LRRTM4: variants seen among roughly 807,000 people sequenced by gnomAD.
LRRTM4 encodes the protein leucine-rich repeat transmembrane neuronal protein 4.
LRRTM4 carries 25 observed loss-of-function variants against 47.6 expected under a neutral mutation model. The observed-to-expected ratio is 0.53, with a 90% CI of 0.38 to 0.73. The LOEUF is 0.73. LRRTM4 is among the 30% of genes least tolerant of loss of function. The pLI, the probability that LRRTM4 is intolerant of heterozygous loss-of-function variation, is 0.00. For missense variants in LRRTM4, 638 were observed against 713.4 expected, an observed-to-expected ratio of 0.89 and a Z score of 1.20; for synonymous variants, 311 against 269.5, an observed-to-expected ratio of 1.15 and a Z score of -1.51.
intron 3 of LRRTM4, among the ~76,000 whole-genome samples, chr2:76,760,223 G>T (rs145381852): frequency 6.6e-6 from 1 of 152,064 alleles, no homozygotes; most frequent in Non-Finnish European, 1.5e-5. Context: ...ACAGGCCACC[G>T]TTTTCAGTCT....
chr2:77,455,234 T>A (rs1206707239), intron 3 of LRRTM4, among the ~76,000 whole-genome samples: 1 of 152,204 alleles, frequency 6.6e-6, no homozygotes, highest in Non-Finnish European at 1.5e-5. Context: ...TTAAATTTCA[T>A]GCAAGCCTGA....
At chr2:77,417,822 T>G (rs1031811820) in intron 3 of LRRTM4, among the ~76,000 whole-genome samples, 2 of 152,004 alleles carry the variant, frequency 1.3e-5, no homozygotes, top group African/African-American at 2.4e-5. Context: ...AATGACGAGT[T>G]ACTGGGTGCG....
intron 3 of LRRTM4, among the ~76,000 whole-genome samples, chr2:77,276,029 G>A (rs1676339563): frequency 6.6e-6 from 1 of 151,762 alleles, no homozygotes; most frequent in South Asian, 2.1e-4. Context: ...TCATTGAGTA[G>A]GAAAAGTGTG....
chr2:76,872,009 G>A (rs1672637534), intron 3 of LRRTM4, among the ~76,000 whole-genome samples: 1 of 152,156 alleles, frequency 6.6e-6, no homozygotes, highest in South Asian at 2.1e-4. Context: ...TGGGGAACCC[G>A]AGGCAGAAGA....
At chr2:77,045,146 C>G (rs1008019591) in intron 3 of LRRTM4, among the ~76,000 whole-genome samples, 1 of 151,846 alleles carries the variant, frequency 6.6e-6, no homozygotes, top group African/African-American at 2.4e-5. Context: ...AATCTAGTAA[C>G]TCTACATGGA....
At chr2:77,265,656 T>G (rs1339202601) in intron 3 of LRRTM4, among the ~76,000 whole-genome samples, 1 of 152,100 alleles carries the variant, frequency 6.6e-6, no homozygotes, top group Non-Finnish European at 1.5e-5. Flanking sequence ...GTTGCATTAG[T>G]AATATGTACA....
intron 3 of LRRTM4, among the ~76,000 whole-genome samples, chr2:76,804,610 T>C (rs1016062649): frequency 2.0e-5 from 3 of 148,754 alleles, no homozygotes; most frequent in African/African-American, 7.3e-5. Flanking sequence ...ATGCATACTA[T>C]ACATATGCAT....
chr2:77,425,261 C>T (rs1025153695), intron 3 of LRRTM4, among the ~76,000 whole-genome samples: 2 of 152,162 alleles, frequency 1.3e-5, no homozygotes, highest in African/African-American at 4.8e-5. Context: ...TATTCAGTCT[C>T]TCCATTTCCT....
rs572092900 is a variant in LRRTM4, at chr2:77,232,945, G to T, written c.1551+285373C>A. On this transcript the variant is annotated intron_variant, in intron 3 of 3. Coordinates refer to ENST00000409884, the MANE Select transcript of LRRTM4 (RefSeq NM_001134745.3). ...TGTTAAATATAATTACTTGACTTTA[G>T]AAAATGTGGCAAAACTATAACAAAA... 2.4e-4 allele frequency among the ~76,000 whole-genome samples: 36 copies of T among 152,152 alleles called. 1 individual carries two copies. Among genetic ancestry groups the T allele is most frequent in the African/African-American group, 7.7e-4 (32 of 41,524 alleles).
At chr2:77,373,599 A>C (rs1206798644) in intron 3 of LRRTM4, among the ~76,000 whole-genome samples, 4 of 151,834 alleles carry the variant, frequency 2.6e-5, no homozygotes. Flanking sequence ...CCCTAATGAA[A>C]ACATCTGATA....
intron 3 of LRRTM4, among the ~76,000 whole-genome samples, chr2:77,414,947 A>G (rs1674581189): frequency 6.6e-6 from 1 of 152,188 alleles, no homozygotes; most frequent in Non-Finnish European, 1.5e-5. Flanking sequence ...ATTTCCACAC[A>G]TAATACAAAG....
At chr2:77,331,995 G>A (rs549033440) in intron 3 of LRRTM4, among the ~76,000 whole-genome samples, 12 of 152,152 alleles carry the variant, frequency 7.9e-5, no homozygotes, top group Non-Finnish European at 1.6e-4. Flanking sequence ...AATTAATTAA[G>A]ATCAATTTTT....
At chr2:77,411,613 C>T (rs1274679536) in intron 3 of LRRTM4, among the ~76,000 whole-genome samples, 3 of 133,880 alleles carry the variant, frequency 2.2e-5, no homozygotes, top group African/African-American at 5.8e-5. Flanking sequence ...CCACCATGCC[C>T]GGCTATTTTT....
intron 3 of LRRTM4, among the ~76,000 whole-genome samples, chr2:77,206,551 C>G (rs1162357021): frequency 6.6e-6 from 1 of 152,022 alleles, no homozygotes; most frequent in East Asian, 1.9e-4. Flanking sequence ...GTGGCCCAAT[C>G]TCTGCTCACT....
At chr2:77,097,270 C>T (rs1670835803) in intron 3 of LRRTM4, among the ~76,000 whole-genome samples, 1 of 151,716 alleles carries the variant, frequency 6.6e-6, no homozygotes, top group Non-Finnish European at 1.5e-5. Flanking sequence ...AAGCTACTGA[C>T]CCATCCCCCA....
intron 3 of LRRTM4, among the ~76,000 whole-genome samples, chr2:77,112,208 T>C (rs1671269923): frequency 6.6e-6 from 1 of 152,216 alleles, no homozygotes; most frequent in Non-Finnish European, 1.5e-5. Context: ...TGTAATCATA[T>C]GAAAACTGAC....
intron 3 of LRRTM4, among the ~76,000 whole-genome samples, chr2:77,353,237 GCTTT>G (rs1671850114): frequency 6.6e-6 from 1 of 152,056 alleles, no homozygotes; most frequent in Admixed American, 6.6e-5. Context: ...AGTTCTCAAG[GCTTT>G]CTTTCCCTTT....
At chr2:77,290,709 A>T (rs184572311) in intron 3 of LRRTM4, among the ~76,000 whole-genome samples, 94 of 152,198 alleles carry the variant, frequency 6.2e-4, no homozygotes, top group African/African-American at 2.1e-3. Context: ...ATTTTAAAAA[A>T]TTAAGTCCAA....
chr2:77,335,899 A>G (rs1174914957), intron 3 of LRRTM4, among the ~76,000 whole-genome samples: 1 of 152,130 alleles, frequency 6.6e-6, no homozygotes, highest in Admixed American at 6.6e-5. Flanking sequence ...CATGGACCAT[A>G]CAGCCTCTAG....
Sources: allele counts gnomAD v4.1 joint callset (sites outside exome capture counted in the v4.1 genomes callset), GRCh38; gene constraint gnomAD v4.1.1; transcripts MANE v1.5; gene names NCBI Gene and HGNC (gene_info 2026-07-23, HGNC 2026-07-21).